Variants in STK10 observed in about 807,000 individuals in gnomAD.
The protein encoded by STK10 is serine/threonine kinase 10.
A neutral mutation model predicts 113.8 loss-of-function variants in STK10; 78 were observed. That is an observed-to-expected ratio of 0.69 (90% CI 0.57 to 0.83). The LOEUF (loss-of-function observed/expected upper bound fraction) is 0.83. STK10 is among the 40% of genes least tolerant of loss of function. The probability of loss-of-function intolerance (pLI) is 0.00; values close to 1 mark genes in which losing one functional copy is unlikely to be tolerated. For missense variants in STK10, 1,109 were observed against 1,280.1 expected, an observed-to-expected ratio of 0.87 and a Z score of 2.04; for synonymous variants, 465 against 494.7, an observed-to-expected ratio of 0.94 and a Z score of 0.80.
At chr5:172,106,348 G>A (rs946115368) in intron 6 of STK10, among the ~76,000 whole-genome samples, 1 of 137,228 alleles carries the variant, frequency 7.3e-6, no homozygotes, top group African/African-American at 2.7e-5. Context: ...GTTGCAGTGA[G>A]CTATGACTGC....
At chr5:172,114,102 A>C (rs1305292330) in intron 4 of STK10, among the ~76,000 whole-genome samples, 1 of 152,046 alleles carries the variant, frequency 6.6e-6, no homozygotes, top group African/African-American at 2.4e-5. Context: ...AGAAAGACTA[A>C]GTAATGCACA....
chr5:172,047,860 A>G (rs965083846), intron 18 of STK10, among the ~76,000 whole-genome samples: 1 of 150,238 alleles, frequency 6.7e-6, no homozygotes, highest in African/African-American at 2.5e-5. Context: ...TGATAGCTTC[A>G]CTGTACAAAT....
intron 7 of STK10, among the ~76,000 whole-genome samples, chr5:172,103,094 C>T (rs1246267444): frequency 6.6e-5 from 10 of 152,230 alleles, no homozygotes; most frequent in African/African-American, 2.2e-4. Context: ...CCAGGCACTT[C>T]TTGGAAGCCG....
At chr5:172,068,093 C>T (rs1768107251) in intron 12 of STK10, among the ~76,000 whole-genome samples, 1 of 152,230 alleles carries the variant, frequency 6.6e-6, no homozygotes, top group Non-Finnish European at 1.5e-5. Context: ...GTAATCCCAG[C>T]ACTTGGGGAG....
chr5:172,130,074 C>T (rs1276282432), intron 2 of STK10, among the ~76,000 whole-genome samples: 1 of 152,214 alleles, frequency 6.6e-6, no homozygotes, highest in Non-Finnish European at 1.5e-5. Flanking sequence ...CTTCCACATC[C>T]TGAAGTTCCA....
chr5:172,090,092 C>T (rs1768663124), intron 10 of STK10, 140 bp downstream of exon 10: 3 of 1,267,278 alleles, frequency 2.4e-6, no homozygotes, highest in Non-Finnish European at 3.3e-6. Flanking sequence ...GGATCGCAGG[C>T]AAAATGAGTT....
In STK10 at chr5:172,070,945, G is replaced by A. The variant is rs564233337; in HGVS notation, c.1990-6133C>T. Among the ~76,000 whole-genome samples, 54 of 151,888 alleles carry A rather than the reference G, an allele frequency of 3.6e-4. 1 individual carries two copies. In the South Asian group the frequency reaches 5.6e-3, roughly 16 times the overall value. On this transcript the variant is annotated intron_variant, in intron 12 of 18. Transcript: ENST00000176763. ...ACTTAAGAAGAAACAGGCCAGGGGC[G>A]GTGGTGTATCCCAGCACTTTGGGAG...
chr5:172,161,465 T>A (rs934641527), intron 1 of STK10, among the ~76,000 whole-genome samples: 7 of 151,232 alleles, frequency 4.6e-5, no homozygotes, highest in South Asian at 2.1e-4. Flanking sequence ...AAAAAAAAAA[T>A]AAAAAAATAC....
chr5:172,158,699 C>T (rs1437904394), intron 1 of STK10, among the ~76,000 whole-genome samples: 1 of 151,996 alleles, frequency 6.6e-6, no homozygotes, highest in Non-Finnish European at 1.5e-5. Context: ...AAATATTCTG[C>T]CATAAAAAGG....
intron 4 of STK10, among the ~76,000 whole-genome samples, chr5:172,112,516 G>A (rs542858721): frequency 9.2e-4 from 138 of 150,474 alleles, no homozygotes; most frequent in African/African-American, 3.2e-3. Context: ...CACCTCCTGG[G>A]TTCACGCCAT....
intron 3 of STK10, 92 bp downstream of exon 3, chr5:172,127,281 C>G: frequency 3.5e-6 from 5 of 1,419,640 alleles, no homozygotes; most frequent in Non-Finnish European, 4.9e-6. Flanking sequence ...GAGTGGAGGT[C>G]CCAGTCCTAG....
intron 2 of STK10, among the ~76,000 whole-genome samples, chr5:172,131,616 C>A (rs1239736982): frequency 6.6e-6 from 1 of 152,152 alleles, no homozygotes; most frequent in African/African-American, 2.4e-5. Flanking sequence ...TGGTTTGACT[C>A]CCAGGCCTTA....
At chr5:172,153,103 A>G (rs1449862498) in intron 2 of STK10, among the ~76,000 whole-genome samples, 1 of 152,090 alleles carries the variant, frequency 6.6e-6, no homozygotes, top group East Asian at 1.9e-4. Flanking sequence ...CCTGACCAAC[A>G]TGGAGAAACC....
At chr5:172,102,042 C>A (rs1398178987) in intron 7 of STK10, among the ~76,000 whole-genome samples, 2 of 152,070 alleles carry the variant, frequency 1.3e-5, no homozygotes, top group Non-Finnish European at 1.5e-5. Flanking sequence ...ACGGGAGCCA[C>A]TGGGGAGCTT....
intron 4 of STK10, chr5:172,115,049 C>G (rs1769345473): frequency 6.6e-6 from 1 of 152,174 alleles, no homozygotes; most frequent in Non-Finnish European, 1.5e-5. Flanking sequence ...GTAGGTAGAC[C>G]GCAATTTTTT....
chr5:172,043,698 C>A lies in STK10; in HGVS notation c.*1184G>T, dbSNP rs991252172. ...AGAATCTGGGGGAAGCCAACTGAGA[C>A]CCCGAAGGCCCAGCAGGAGTCCATC... is the stretch of plus-strand genomic sequence containing the variant. On this transcript the variant is annotated 3_prime_UTR_variant, in exon 19 of 19. Transcript: ENST00000176763. 7.2e-5 allele frequency: 11 copies of A among 152,176 alleles called. No homozygotes were observed. Among genetic ancestry groups the A allele is most frequent in the African/African-American group, 2.7e-4 (11 of 41,436 alleles). The allele number at this position is 152,176 out of a possible 1,614,324, so 9.4% of individuals were successfully genotyped here.
chr5:172,072,410 G>A (rs968461167), intron 12 of STK10, among the ~76,000 whole-genome samples: 1 of 152,240 alleles, frequency 6.6e-6, no homozygotes, highest in East Asian at 1.9e-4. Flanking sequence ...GGGACTACAG[G>A]CGCACACTGC....
chr5:172,136,074 G>GA (rs879633541), intron 2 of STK10, among the ~76,000 whole-genome samples: 95 of 149,790 alleles, frequency 6.3e-4, no homozygotes, highest in South Asian at 3.6e-3. Context: ...AAGAAAAAAA[G>GA]AAAAAAAAAC....
chr5:172,151,730 C>T (rs1770238320), intron 2 of STK10, among the ~76,000 whole-genome samples: 1 of 152,240 alleles, frequency 6.6e-6, no homozygotes, highest in Non-Finnish European at 1.5e-5. Context: ...AGACTGGAGG[C>T]TCCATGAGGA....
Sources: gnomAD v4.1 joint callset for allele counts (sites outside exome capture counted in the v4.1 genomes callset) on GRCh38, gnomAD v4.1.1 for gene constraint, MANE v1.5 for transcripts, NCBI Gene and HGNC (gene_info 2026-07-23, HGNC 2026-07-21) for gene names.